The following ADAM7 variants were observed in gnomAD, a reference collection of about 807,000 sequenced individuals.
The protein encoded by ADAM7 is ADAM metallopeptidase domain 7.
Under a neutral mutation model 102.9 loss-of-function variants are expected in ADAM7, and 97 were observed. The ratio of observed to expected loss-of-function variants is 0.94; its 90% CI spans 0.80 to 1.12. The LOEUF (loss-of-function observed/expected upper bound fraction) is 1.12, where lower values mean the gene tolerates loss of function less well. ADAM7 is among the 50% of genes most tolerant of loss of function. ADAM7 has a pLI of 0.00. For missense variants in ADAM7, 991 were observed against 908.7 expected, an observed-to-expected ratio of 1.09 and a Z score of -1.16; for synonymous variants, 334 against 304.4, an observed-to-expected ratio of 1.10 and a Z score of -1.01.
Position 24,442,478 on chromosome 8 carries a change from T to C in ADAM7, c.58T>C (p.Phe20Leu). Residue 20 changes from phenylalanine (F) to leucine (L), a missense_variant, in exon 2 of 22, where the codon TTC becomes CTC. Transcript: ENST00000175238. The part of the protein sequence containing the change: ...ILLIPQVKEK[F>L]ILGVEGQQLV... The stretch of plus-strand genomic sequence containing the variant: ...CCTCTTATGTTTCCTCGTAGAAAAG[T>C]TCATCCTTGGAGTAGAGGGTCAACA... 1 of 1,612,788 alleles carries C rather than the reference T, an allele frequency of 6.2e-7. No individual in the cohort carries two copies.
intron 8 of ADAM7, among the ~76,000 whole-genome samples, chr8:24,480,556 G>T (rs755927962): frequency 6.6e-6 from 1 of 152,076 alleles, no homozygotes; most frequent in Non-Finnish European, 1.5e-5. Flanking sequence ...AGCAGATAAA[G>T]CATGGCTTTT....
chr8:24,492,106 A>G lies in ADAM7; in HGVS notation c.1552+8A>G, dbSNP rs747791864. ...CTGAACTATTTGATGATGGTGAGAG[A>G]TAATCACAGTGAAGTATTCACACAG... On this transcript the variant is annotated splice_region_variant and intron_variant, in intron 14 of 21. Coordinates refer to ENST00000175238, the MANE Select transcript of ADAM7 (RefSeq NM_003817.4). The G allele has an allele frequency of 6.2e-7, 1 of 1,609,382 alleles. No homozygotes were observed. Among genetic ancestry groups the G allele is most frequent in the Non-Finnish European group, 8.5e-7 (1 of 1,177,682 alleles).
intron 6 of ADAM7, 65 bp from the exon 7 acceptor site, chr8:24,468,702 C>A: frequency 7.0e-7 from 1 of 1,438,668 alleles, no homozygotes; most frequent in South Asian, 1.2e-5. Context: ...ATTTTTTTTC[C>A]AACTTAAAGG....
At chr8:24,490,913 T>C (rs971974347) in intron 13 of ADAM7, 25 bp downstream of exon 13, 1 of 1,221,906 alleles carries the variant, frequency 8.2e-7, no homozygotes, top group South Asian at 1.6e-5. Context: ...CAGGAGAAGG[T>C]TTTTTTTTTT....
At chr8:24,448,415 G>A (rs1818647069) in intron 3 of ADAM7, among the ~76,000 whole-genome samples, 2 of 152,234 alleles carry the variant, frequency 1.3e-5, no homozygotes, top group African/African-American at 2.4e-5. Flanking sequence ...TGTACACACA[G>A]AGAGCAGTTT....
intron 16 of ADAM7, among the ~76,000 whole-genome samples, chr8:24,498,230 A>G (rs1049926209): frequency 6.6e-6 from 1 of 151,830 alleles, no homozygotes; most frequent in Non-Finnish European, 1.5e-5. Flanking sequence ...AAAAAATCTC[A>G]GGAATAATAA....
At chr8:24,499,070 T>A (rs995779363) in intron 16 of ADAM7, among the ~76,000 whole-genome samples, 166 bp from the exon 17 acceptor site, 3 of 152,094 alleles carry the variant, frequency 2.0e-5, no homozygotes, top group Admixed American at 1.3e-4. Context: ...ACATGTGGAA[T>A]TTTACAGTAG....
intron 7 of ADAM7, among the ~76,000 whole-genome samples, chr8:24,472,852 A>C (rs771265957): frequency 1.3e-5 from 2 of 152,082 alleles, no homozygotes; most frequent in African/African-American, 2.4e-5. Context: ...AATGAAATAG[A>C]CAAGCTTCTG....
chr8:24,473,297 G>A (rs145871199), intron 7 of ADAM7, among the ~76,000 whole-genome samples: 67 of 152,192 alleles, frequency 4.4e-4, no homozygotes, highest in African/African-American at 1.4e-3. Context: ...AACCTGGTGG[G>A]TAATCAATGA....
At chr8:24,501,413 A>G in intron 19 of ADAM7, 64 bp from the exon 20 acceptor site, 1 of 1,207,892 alleles carries the variant, frequency 8.3e-7, no homozygotes, top group Non-Finnish European at 1.2e-6. Context: ...TTACTCATGA[A>G]GAAATAAATA....
At chr8:24,491,850 C>T (rs778622363) in intron 13 of ADAM7, 53 bp from the exon 14 acceptor site, 2 of 1,425,860 alleles carry the variant, frequency 1.4e-6, no homozygotes, top group South Asian at 3.1e-5. Context: ...ACTTACGAAA[C>T]CTTACCTACC....
chr8:24,493,892 A>T (rs1041256905), intron 16 of ADAM7, among the ~76,000 whole-genome samples: 1 of 152,216 alleles, frequency 6.6e-6, no homozygotes, highest in Non-Finnish European at 1.5e-5. Flanking sequence ...GCAATTTCAG[A>T]GTGGCTTGAC....
intron 7 of ADAM7, among the ~76,000 whole-genome samples, chr8:24,469,158 C>T (rs1429240155): frequency 1.3e-5 from 2 of 152,066 alleles, no homozygotes; most frequent in African/African-American, 4.8e-5. Flanking sequence ...TCTATCAGAA[C>T]AGTGAGTAAA....
Position 24,490,812 on chromosome 8 carries a change from C to A in ADAM7, c.1280C>A (p.Pro427His). 6.2e-7 allele frequency: 1 copy of A among 1,613,678 alleles called. No individual in the cohort carries two copies. The highest frequency in any genetic ancestry group is 1.7e-4 in the Middle Eastern group (1 of 6,054). The part of the protein sequence containing the change: ...DCGPAQECTN[P>H]CCDAHTCVLK... ...GGTTATTGCCAGGAGTGTACTAATC[C>A]TTGCTGTGATGCACACACATGTGTA... is the stretch of plus-strand genomic sequence containing the variant. Residue 427 changes from proline (P) to histidine (H), a missense_variant, in exon 13 of 22, where the codon CCT becomes CAT. Transcript: ENST00000175238.
intron 21 of ADAM7, 42 bp downstream of exon 21, chr8:24,507,577 CAAA>C: frequency 6.7e-7 from 1 of 1,486,174 alleles, no homozygotes; most frequent in Non-Finnish European, 9.4e-7. Context: ...TTTTATTTTT[CAAA>C]TGCTGGCATA....
intron 20 of ADAM7, among the ~76,000 whole-genome samples, chr8:24,505,610 C>T (rs922902450): frequency 3.3e-5 from 5 of 152,066 alleles, no homozygotes; most frequent in Non-Finnish European, 5.9e-5. Flanking sequence ...TTACCTATTA[C>T]GTTAATGATG....
chr8:24,447,457 G>C (rs184619180), intron 3 of ADAM7, among the ~76,000 whole-genome samples, 195 bp downstream of exon 3: 184 of 152,200 alleles, frequency 1.2e-3, no homozygotes, highest in Middle Eastern at 0.01. Flanking sequence ...AGATGCCACT[G>C]TTCTCCCGTT....
intron 10 of ADAM7, among the ~76,000 whole-genome samples, chr8:24,485,711 T>C (rs1820119404): frequency 6.6e-6 from 1 of 152,270 alleles, no homozygotes; most frequent in Non-Finnish European, 1.5e-5. Context: ...GGATAATTGT[T>C]CTAGTGCTGA....
intron 10 of ADAM7, among the ~76,000 whole-genome samples, chr8:24,486,677 C>T (rs1030299755): frequency 3.3e-5 from 5 of 152,088 alleles, no homozygotes; most frequent in African/African-American, 1.2e-4. Flanking sequence ...ACAGTTGACA[C>T]CTTCTTGCTG....
Sources: allele counts gnomAD v4.1 joint callset (sites outside exome capture counted in the v4.1 genomes callset), GRCh38; gene constraint gnomAD v4.1.1; transcripts MANE v1.5; gene names NCBI Gene and HGNC (gene_info 2026-07-23, HGNC 2026-07-21).